Variants in TMTC2 observed in about 807,000 individuals in gnomAD.
TMTC2 encodes protein O-mannosyl-transferase TMTC2.
A neutral mutation model predicts 82.4 loss-of-function variants in TMTC2; 43 were observed. That is an observed-to-expected ratio of 0.52 (90% CI 0.41 to 0.67). The LOEUF is 0.67. Ranked by LOEUF, TMTC2 falls within the 30% of genes least tolerant of loss-of-function variation. TMTC2 has a pLI of 0.00. For missense variants in TMTC2, 919 were observed against 1,012.4 expected, an observed-to-expected ratio of 0.91 and a Z score of 1.25; for synonymous variants, 408 against 381.9, an observed-to-expected ratio of 1.07 and a Z score of -0.80.
intron 7 of TMTC2, among the ~76,000 whole-genome samples, chr12:82,973,313 C>A (rs1035959159): frequency 1.3e-5 from 2 of 152,066 alleles, no homozygotes; most frequent in South Asian, 4.1e-4. Context: ...TAAGATAAGT[C>A]TCTTTATTTC....
intron 3 of TMTC2, among the ~76,000 whole-genome samples, chr12:82,929,060 T>C (rs1356924962): frequency 1.3e-5 from 2 of 152,036 alleles, no homozygotes; most frequent in Non-Finnish European, 2.9e-5. Context: ...GGCACTGTGT[T>C]TGTTTTTTTG....
At chr12:83,122,566 T>G (rs904866252) in intron 11 of TMTC2, among the ~76,000 whole-genome samples, 26 of 152,250 alleles carry the variant, frequency 1.7e-4, no homozygotes, top group African/African-American at 6.3e-4. Context: ...AAAGTCACAA[T>G]CTTCTCCCGT....
chr12:82,884,889 CT>C (rs1426885602), intron 2 of TMTC2, among the ~76,000 whole-genome samples: 1 of 151,838 alleles, frequency 6.6e-6, no homozygotes, highest in Non-Finnish European at 1.5e-5. Context: ...GTTTTTCAGA[CT>C]TTTTTTGTTT....
At chr12:82,816,431 G>A (rs1277285193) in intron 1 of TMTC2, among the ~76,000 whole-genome samples, 1 of 151,894 alleles carries the variant, frequency 6.6e-6, no homozygotes, top group Non-Finnish European at 1.5e-5. Context: ...TTAATTCTTT[G>A]GGGGGCCGCA....
intron 1 of TMTC2, among the ~76,000 whole-genome samples, chr12:82,782,231 T>C (rs1190219022): frequency 1.3e-5 from 2 of 152,098 alleles, no homozygotes; most frequent in African/African-American, 2.4e-5. Flanking sequence ...TGGGTAAAGA[T>C]AGGGCAAGAG....
At chr12:82,780,852 A>C (rs919836506) in intron 1 of TMTC2, among the ~76,000 whole-genome samples, 2 of 151,080 alleles carry the variant, frequency 1.3e-5, no homozygotes, top group African/African-American at 4.9e-5. Context: ...GGTTGCAAAT[A>C]TTTTTTGTTT....
intron 8 of TMTC2, among the ~76,000 whole-genome samples, chr12:83,012,932 C>A (rs1042528433): frequency 6.6e-6 from 1 of 152,010 alleles, no homozygotes; most frequent in African/African-American, 2.4e-5. Context: ...GCTGAAGAAT[C>A]GGCTTTACAT....
chr12:82,696,101 T>A (rs1872775657), intron 1 of TMTC2, among the ~76,000 whole-genome samples: 1 of 152,230 alleles, frequency 6.6e-6, no homozygotes, highest in Non-Finnish European at 1.5e-5. Context: ...ATGGAAAAGA[T>A]CTCATTTTGA....
intron 1 of TMTC2, among the ~76,000 whole-genome samples, chr12:82,779,385 G>A (rs988211082): frequency 6.6e-6 from 1 of 152,030 alleles, no homozygotes; most frequent in African/African-American, 2.4e-5. Context: ...TGTTTCATGC[G>A]ATAAGCCTTT....
intron 4 of TMTC2, among the ~76,000 whole-genome samples, chr12:82,937,607 G>C (rs745584118): frequency 6.6e-6 from 1 of 151,838 alleles, no homozygotes; most frequent in East Asian, 1.9e-4. Flanking sequence ...GTGTAAAAGA[G>C]ATAGGGCCCA....
At chr12:82,870,679 C>T (rs534617067) in intron 2 of TMTC2, among the ~76,000 whole-genome samples, 1 of 152,192 alleles carries the variant, frequency 6.6e-6, no homozygotes, top group African/African-American at 2.4e-5. Flanking sequence ...AAAAGGCCAC[C>T]GCTAGAGTCT....
At chr12:82,735,559 A>G (rs182463505) in intron 1 of TMTC2, among the ~76,000 whole-genome samples, 2,304 of 151,906 alleles carry the variant, frequency 0.015, 58 homozygotes, top group African/African-American at 0.052. Flanking sequence ...GTTAGCCAGG[A>G]TGGTCTCGAT....
At chr12:82,972,165 G>C (rs974352889) in intron 7 of TMTC2, among the ~76,000 whole-genome samples, 10 of 152,082 alleles carry the variant, frequency 6.6e-5, no homozygotes, top group Admixed American at 1.3e-4. Flanking sequence ...TGAGCAATAT[G>C]CATTTATCTT....
chr12:82,804,025 T>G (rs1879133989), intron 1 of TMTC2, among the ~76,000 whole-genome samples: 1 of 151,958 alleles, frequency 6.6e-6, no homozygotes, highest in South Asian at 2.1e-4. Flanking sequence ...TCTCCGGCAG[T>G]TTAGATATTT....
At chr12:82,719,254 C>T (rs533445676) in intron 1 of TMTC2, among the ~76,000 whole-genome samples, 96 of 151,526 alleles carry the variant, frequency 6.3e-4, no homozygotes, top group African/African-American at 2.3e-3. Flanking sequence ...CCACCACACC[C>T]GGCTAATTTT....
At chr12:82,838,495 T>G (rs1290598649) in intron 1 of TMTC2, among the ~76,000 whole-genome samples, 1 of 151,920 alleles carries the variant, frequency 6.6e-6, no homozygotes, top group Non-Finnish European at 1.5e-5. Context: ...CAGTTTAATG[T>G]GCTAACACTG....
intron 1 of TMTC2, among the ~76,000 whole-genome samples, chr12:82,780,749 C>T (rs997287685): frequency 8.4e-5 from 11 of 130,602 alleles, no homozygotes; most frequent in South Asian, 4.5e-4. Context: ...AAAGAAGGCA[C>T]GTGACACAAA....
chr12:83,102,088 G>C (rs1441426656), intron 11 of TMTC2, among the ~76,000 whole-genome samples: 2 of 152,144 alleles, frequency 1.3e-5, no homozygotes, highest in Non-Finnish European at 2.9e-5. Flanking sequence ...CTTGGAACTG[G>C]GTAGATTTTT....
intron 1 of TMTC2, among the ~76,000 whole-genome samples, chr12:82,702,512 A>G (rs1420762799): frequency 6.6e-6 from 1 of 152,210 alleles, no homozygotes; most frequent in African/African-American, 2.4e-5. Flanking sequence ...TAAGTTGTTA[A>G]TGGGAAAACA....
Sources: allele counts gnomAD v4.1 joint callset (sites outside exome capture counted in the v4.1 genomes callset), GRCh38; gene constraint gnomAD v4.1.1; transcripts MANE v1.5; gene names NCBI Gene and HGNC (gene_info 2026-07-23, HGNC 2026-07-21).